SDK1: variants seen among roughly 807,000 people sequenced by gnomAD.
The protein encoded by SDK1 is sidekick cell adhesion molecule 1, also known as protein sidekick-1.
Under a neutral mutation model 245.5 loss-of-function variants are expected in SDK1, and 157 were observed. That is an observed-to-expected ratio of 0.64 (90% CI 0.56 to 0.73). The LOEUF (loss-of-function observed/expected upper bound fraction) is 0.73, where lower values mean the gene tolerates loss of function less well. Ranked by LOEUF, SDK1 falls within the 30% of genes least tolerant of loss-of-function variation. The pLI is 0.00. For missense variants in SDK1, 3,583 were observed against 3,002.3 expected, an observed-to-expected ratio of 1.19 and a Z score of -4.52; for synonymous variants, 1,647 against 1,278.5, an observed-to-expected ratio of 1.29 and a Z score of -6.15.
chr7:3,735,158 A>G (rs1208879474), intron 4 of SDK1, among the ~76,000 whole-genome samples: 5 of 152,316 alleles, frequency 3.3e-5, no homozygotes, highest in African/African-American at 1.2e-4. Flanking sequence ...CTTAAAAAAA[A>G]AAATTAATTG....
intron 28 of SDK1, among the ~76,000 whole-genome samples, chr7:4,136,241 C>T (rs954835774): frequency 2.8e-4 from 43 of 152,300 alleles, no homozygotes; most frequent in African/African-American, 1.0e-3. Context: ...TCCGGGTAAC[C>T]TGTCACCCAT....
intron 13 of SDK1, among the ~76,000 whole-genome samples, chr7:3,982,862 G>C (rs544098043): frequency 6.6e-6 from 1 of 151,990 alleles, no homozygotes; most frequent in South Asian, 2.1e-4. Context: ...AAGAATGTTT[G>C]TGATTCATGG....
chr7:4,120,556 A>G (rs933136830), intron 25 of SDK1, among the ~76,000 whole-genome samples: 3 of 149,002 alleles, frequency 2.0e-5, no homozygotes, highest in Non-Finnish European at 4.5e-5. Flanking sequence ...AGCAAAGTAA[A>G]TGCTATATAA....
intron 20 of SDK1, among the ~76,000 whole-genome samples, chr7:4,074,326 C>T (rs949453217): frequency 2.6e-5 from 4 of 152,132 alleles, no homozygotes; most frequent in Non-Finnish European, 5.9e-5. Context: ...TAAGCTGATT[C>T]AAGGTACTTT....
intron 28 of SDK1, among the ~76,000 whole-genome samples, chr7:4,135,083 C>T (rs1314482125): frequency 6.6e-6 from 1 of 152,208 alleles, no homozygotes; most frequent in African/African-American, 2.4e-5. Context: ...GGAGTGAGGC[C>T]CGCTGTCCAC....
intron 1 of SDK1, among the ~76,000 whole-genome samples, chr7:3,388,814 A>G (rs1216681835): frequency 6.6e-6 from 1 of 152,184 alleles, no homozygotes; most frequent in African/African-American, 2.4e-5. Context: ...TTTATCGAGT[A>G]CCTACTGTGT....
intron 1 of SDK1, among the ~76,000 whole-genome samples, chr7:3,421,144 T>C (rs1317386942): frequency 2.0e-5 from 3 of 151,200 alleles, no homozygotes; most frequent in Admixed American, 6.6e-5. Flanking sequence ...TGATCTTGTC[T>C]CACTGCAACA....
Position 3,357,328 on chromosome 7 carries a change from G to GTTTTTTTTTTTT in SDK1, c.298+55472_298+55483dup, listed in dbSNP as rs560124026. Among the ~76,000 whole-genome samples, 41 of 52,938 alleles carry GTTTTTTTTTTTT rather than the reference G, an allele frequency of 7.7e-4. 9 individuals are homozygous for GTTTTTTTTTTTT. The highest frequency in any genetic ancestry group is 1.5e-3 in the East Asian group (2 of 1,296). The allele number at this position is 52,938 out of a possible 152,430, so 34.7% of individuals were successfully genotyped here. On this transcript the variant is annotated intron_variant, in intron 1 of 44. Coordinates refer to ENST00000404826, the MANE Select transcript of SDK1 (RefSeq NM_152744.4). ...TTACTCTTGCTCCCCTTCTTTTAGT[G>GTTTTTTTTTTTT]TTTTTTTTTTTTTTTTTTTTTTTTT...
intron 1 of SDK1, among the ~76,000 whole-genome samples, chr7:3,562,326 A>G (rs1443907048): frequency 6.6e-6 from 1 of 152,248 alleles, no homozygotes; most frequent in Non-Finnish European, 1.5e-5. Flanking sequence ...CATGTTCATA[A>G]AAAGTACTTT....
chr7:3,670,306 T>C (rs2128662488), intron 4 of SDK1, among the ~76,000 whole-genome samples: 1 of 152,304 alleles, frequency 6.6e-6, no homozygotes, highest in East Asian at 1.9e-4. Context: ...CTTATCTACC[T>C]AAATTTTTTC....
chr7:3,784,350 C>G (rs929121898), intron 4 of SDK1, among the ~76,000 whole-genome samples: 4 of 151,956 alleles, frequency 2.6e-5, no homozygotes, highest in Non-Finnish European at 5.9e-5. Context: ...TTACTTCACA[C>G]CATATATTAA....
chr7:3,556,059 C>A (rs1436283308), intron 1 of SDK1, among the ~76,000 whole-genome samples: 1 of 152,158 alleles, frequency 6.6e-6, no homozygotes, highest in Non-Finnish European at 1.5e-5. Flanking sequence ...AGCAAAGCCA[C>A]TGTTAGGTAT....
intron 1 of SDK1, among the ~76,000 whole-genome samples, chr7:3,402,281 T>C (rs890227318): frequency 1.2e-4 from 19 of 152,196 alleles, no homozygotes; most frequent in Non-Finnish European, 2.6e-4. Context: ...ATATCTGTTA[T>C]AAAGGATGGT....
chr7:3,868,927 T>C (rs1033561128), intron 5 of SDK1, among the ~76,000 whole-genome samples: 11 of 152,168 alleles, frequency 7.2e-5, no homozygotes, highest in African/African-American at 2.7e-4. Context: ...CATTGCTCCG[T>C]ATGAGAAAAT....
At chr7:3,462,938 G>A (rs190483745) in intron 1 of SDK1, among the ~76,000 whole-genome samples, 1 of 152,176 alleles carries the variant, frequency 6.6e-6, no homozygotes, top group African/African-American at 2.4e-5. Flanking sequence ...TAAGGATAAA[G>A]ACCACAGACC....
chr7:3,868,721 G>T (rs1431178411), intron 5 of SDK1, among the ~76,000 whole-genome samples: 1 of 152,072 alleles, frequency 6.6e-6, no homozygotes, highest in African/African-American at 2.4e-5. Flanking sequence ...CTTTTATTGT[G>T]TGTCTTCATA....
At chr7:4,192,353 G>A (rs904042088) in intron 35 of SDK1, among the ~76,000 whole-genome samples, 4 of 152,178 alleles carry the variant, frequency 2.6e-5, no homozygotes, top group African/African-American at 9.6e-5. Context: ...TTGGCTCACT[G>A]CAAGCTCCGC....
intron 4 of SDK1, among the ~76,000 whole-genome samples, chr7:3,700,719 A>C (rs575976635): frequency 6.6e-6 from 1 of 152,384 alleles, no homozygotes; most frequent in South Asian, 2.1e-4. Context: ...TAGTAAGTGT[A>C]AATGGTTTAA....
intron 4 of SDK1, among the ~76,000 whole-genome samples, chr7:3,695,417 T>C (rs1343244283): frequency 6.6e-6 from 1 of 152,240 alleles, no homozygotes; most frequent in Non-Finnish European, 1.5e-5. Flanking sequence ...TAGGCACCCA[T>C]AAGCATTTTC....
Sources: allele counts gnomAD v4.1 joint callset (sites outside exome capture counted in the v4.1 genomes callset), GRCh38; gene constraint gnomAD v4.1.1; transcripts MANE v1.5; gene names NCBI Gene and HGNC (gene_info 2026-07-23, HGNC 2026-07-21).